Variants in ARAP2 observed in about 807,000 individuals in gnomAD.
The protein encoded by ARAP2 is ArfGAP with RhoGAP domain, ankyrin repeat and PH domain 2, also known as arf-GAP with Rho-GAP domain, ANK repeat and PH domain-containing protein 2.
In ARAP2, 148 loss-of-function variants were observed where a neutral mutation model predicts 194.5. That is an observed-to-expected ratio of 0.76 (90% CI 0.67 to 0.87). The LOEUF is 0.87. ARAP2 is among the 40% of genes least tolerant of loss of function. The pLI, the probability that ARAP2 is intolerant of heterozygous loss-of-function variation, is 0.00. For missense variants in ARAP2, 2,128 were observed against 1,989.7 expected (o/e 1.07, Z -1.32); for synonymous variants, 695 against 683.5 (o/e 1.02, Z -0.26).
At position 36,014,300 on chromosome 4, in the gene ARAP2, G is replaced by GAAAGAA. The variant is rs1560264638; in HGVS notation, n.1056+1085_1056+1086insTTCTTT. ...AAGAAAGAAAGAAAGAAAGAAAGAAGAGAAGGAAGGAAAGAAAGAAAGAGA... is the reference window on the plus strand; with the variant it reads ...AAGAAAGAAAGAAAGAAAGAAAGAAGAAAGAAAGAAGGAAGGAAAGAAAGAAAGAGA... On this transcript the variant is annotated intron_variant and non_coding_transcript_variant, in intron 8 of 12. Transcript: ENST00000503225. Among the ~76,000 whole-genome samples, 219 of 74,428 alleles carry GAAAGAA rather than the reference G, an allele frequency of 2.9e-3. 3 individuals carry two copies. Among genetic ancestry groups the GAAAGAA allele is most frequent in the Middle Eastern group, 6.7e-3 (1 of 150 alleles). 48.8% of individuals were successfully genotyped at this position (74,428 alleles called of 152,430 possible). A position where few individuals can be genotyped will look rare whatever the true frequency, so the allele number is the denominator to read the frequency against.
At chr4:36,241,675 C>A (rs1488311147) in intron 1 of ARAP2, among the ~76,000 whole-genome samples, 1 of 151,958 alleles carries the variant, frequency 6.6e-6, no homozygotes, top group Non-Finnish European at 1.5e-5. Context: ...AAAGACACCA[C>A]AAAAAAACAA....
intron 6 of ARAP2, among the ~76,000 whole-genome samples, chr4:36,201,799 T>C (rs895153536): frequency 3.9e-5 from 6 of 152,172 alleles, no homozygotes; most frequent in African/African-American, 1.4e-4. Context: ...CAGAGTTTTT[T>C]TTTTCAAGAT....
intron 15 of ARAP2, among the ~76,000 whole-genome samples, chr4:36,156,988 ATCAATGAGGTAC>A (rs1260497422): frequency 6.6e-6 from 1 of 152,242 alleles, no homozygotes; most frequent in African/African-American, 2.4e-5. Context: ...TGTTTATTAC[ATCAATGAGGTAC>A]TCAAGTAAAT....
At chr4:36,071,856 C>A (rs931651490) in intron 32 of ARAP2, among the ~76,000 whole-genome samples, 1 of 151,648 alleles carries the variant, frequency 6.6e-6, no homozygotes, top group Non-Finnish European at 1.5e-5. Flanking sequence ...CCCGCTCCCC[C>A]CACCCCAACA....
chr4:36,151,132 G>A, intron 15 of ARAP2, 88 bp from the exon 16 acceptor site: 1 of 1,115,516 alleles, frequency 9.0e-7, no homozygotes, highest in South Asian at 1.6e-5. Context: ...ATAATGGCTG[G>A]ATGCAAGTAA....
chr4:36,040,267 C>A (rs1213594146), intron 5 of ARAP2, among the ~76,000 whole-genome samples: 1 of 152,128 alleles, frequency 6.6e-6, no homozygotes, highest in African/African-American at 2.4e-5. Context: ...AAAACAAAAT[C>A]CTTGCAGTGT....
At chr4:36,200,891 T>C (rs1055292155) in intron 6 of ARAP2, among the ~76,000 whole-genome samples, 1 of 152,212 alleles carries the variant, frequency 6.6e-6, no homozygotes, top group African/African-American at 2.4e-5. Flanking sequence ...TTTCAATTAC[T>C]AGCTTAATTT....
At chr4:36,089,869 C>T (rs1326992912) in intron 28 of ARAP2, among the ~76,000 whole-genome samples, 1 of 151,968 alleles carries the variant, frequency 6.6e-6, no homozygotes, top group Non-Finnish European at 1.5e-5. Flanking sequence ...TTTTCTCAAT[C>T]TGGGACTATT....
chr4:36,053,660 C>A (rs1723050751), intron 2 of ARAP2, among the ~76,000 whole-genome samples: 2 of 152,072 alleles, frequency 1.3e-5, no homozygotes, highest in Admixed American at 1.3e-4. Flanking sequence ...TCAAATTATC[C>A]TTGTAAAATA....
At chr4:36,014,223 TCGAAAGAA>T (rs1715107545) in intron 8 of ARAP2, among the ~76,000 whole-genome samples, 2 of 58,320 alleles carry the variant, frequency 3.4e-5, no homozygotes, top group South Asian at 4.3e-4. Context: ...TGAGACCCTA[TCGAAAGAA>T]AGAAAGAAAG....
Position 36,053,322 on chromosome 4 carries a change from A to T in ARAP2, n.322-1269T>A, listed in dbSNP as rs577006859. Among the ~76,000 whole-genome samples the T allele has an allele frequency of 2.5e-4, 34 of 136,592 alleles. 1 individual carries two copies. The highest frequency in any genetic ancestry group is 1.1e-3 in the South Asian group (5 of 4,558). 89.6% of individuals were successfully genotyped at this position (136,592 alleles called of 152,430 possible). On this transcript the variant is annotated intron_variant and non_coding_transcript_variant, in intron 2 of 12. Transcript: ENST00000503225. ...CCCGGCCCAGCATGCAGTTTTTTAT[A>T]AAAAAAAAAAAATTTACATGAAATG...
intron 2 of ARAP2, among the ~76,000 whole-genome samples, chr4:36,226,781 A>C (rs1389249551): frequency 1.3e-5 from 2 of 152,214 alleles, no homozygotes; most frequent in Admixed American, 1.3e-4. Context: ...ATGAGTATCA[A>C]GATTCTCTGT....
intron 1 of ARAP2, among the ~76,000 whole-genome samples, chr4:36,234,910 T>C (rs1481052993): frequency 2.4e-4 from 36 of 152,198 alleles, no homozygotes; most frequent in Non-Finnish European, 1.5e-5. Flanking sequence ...TTAGAGAATG[T>C]ATAAATAGTT....
chr4:36,103,207 C>A (rs559161299), intron 27 of ARAP2, among the ~76,000 whole-genome samples: 1 of 151,796 alleles, frequency 6.6e-6, no homozygotes, highest in East Asian at 1.9e-4. Context: ...TCATATACAG[C>A]AATCTAAACT....
intron 27 of ARAP2, among the ~76,000 whole-genome samples, chr4:36,097,850 G>C (rs1715730335): frequency 6.6e-6 from 1 of 152,124 alleles, no homozygotes; most frequent in East Asian, 1.9e-4. Flanking sequence ...GGATAGGTTG[G>C]AGTTTATTGA....
chr4:36,239,145 A>T (rs1048002081), intron 1 of ARAP2, among the ~76,000 whole-genome samples: 1 of 152,044 alleles, frequency 6.6e-6, no homozygotes, highest in Non-Finnish European at 1.5e-5. Context: ...GCATGGTGGC[A>T]CACACCTGTA....
chr4:36,161,337 A>G (rs1733900212), intron 12 of ARAP2, 128 bp downstream of exon 12: 3 of 660,396 alleles, frequency 4.5e-6, no homozygotes, highest in Non-Finnish European at 2.7e-6. Flanking sequence ...CCACTTCCAT[A>G]ATGTGGTGAG....
chr4:36,160,411 T>C (rs755209250), intron 13 of ARAP2, 48 bp downstream of exon 13: 2 of 1,419,790 alleles, frequency 1.4e-6, no homozygotes, highest in Admixed American at 6.4e-5. Flanking sequence ...TGGCACATCA[T>C]TAAAAAGACA....
chr4:36,039,955 A>C (rs1177662960), intron 5 of ARAP2, among the ~76,000 whole-genome samples: 1 of 152,170 alleles, frequency 6.6e-6, no homozygotes, highest in East Asian at 1.9e-4. Flanking sequence ...AAAAGGAAAT[A>C]AACTTTTTTA....
Sources: allele counts gnomAD v4.1 joint callset (sites outside exome capture counted in the v4.1 genomes callset), GRCh38; gene constraint gnomAD v4.1.1; transcripts MANE v1.5; gene names NCBI Gene and HGNC (gene_info 2026-07-23, HGNC 2026-07-21).